YARS1: variants seen among roughly 807,000 people sequenced by gnomAD.
YARS1 encodes the protein tyrosine--tRNA ligase, cytoplasmic.
A neutral mutation model predicts 62.2 loss-of-function variants in YARS1; 36 were observed. The ratio of observed to expected loss-of-function variants is 0.58; its 90% CI spans 0.44 to 0.76. YARS1 has a LOEUF of 0.76. YARS1 is among the 30% of genes least tolerant of loss of function. YARS1 has a pLI of 0.00. For missense variants in YARS1, 524 were observed against 639.8 expected, an observed-to-expected ratio of 0.82 and a Z score of 1.95; for synonymous variants, 234 against 244.9, an observed-to-expected ratio of 0.96 and a Z score of 0.42.
chr1:32,782,758 G>A, intron 8 of YARS1: 1 of 600,270 alleles, frequency 1.7e-6, no homozygotes, highest in Non-Finnish European at 2.9e-6. Flanking sequence ...ACTTGAGGGT[G>A]TTTAGGAGCT....
At chr1:32,787,164 C>T (rs998383797) in intron 6 of YARS1, 89 bp from the exon 7 acceptor site, 1 of 1,503,446 alleles carries the variant, frequency 6.7e-7, no homozygotes, top group Non-Finnish European at 9.0e-7. Flanking sequence ...TTTTTCTTCT[C>T]TGTCACCCAG....
At chr1:32,781,795 G>A (rs962841271) in intron 9 of YARS1, 4 of 160,618 alleles carry the variant, frequency 2.5e-5, no homozygotes, top group African/African-American at 1.0e-4. Context: ...GGGTATAATA[G>A]GTCTAATCTA....
chr1:32,803,528 G>A (rs567220874), intron 4 of YARS1, among the ~76,000 whole-genome samples: 5 of 152,178 alleles, frequency 3.3e-5, no homozygotes, highest in Non-Finnish European at 7.3e-5. Flanking sequence ...CCTAACAAGA[G>A]AGTCAGCCTG....
chr1:32,785,134 C>A (rs1000193799), intron 8 of YARS1, among the ~76,000 whole-genome samples: 3 of 152,152 alleles, frequency 2.0e-5, no homozygotes, highest in African/African-American at 7.2e-5. Context: ...CTCATCAAAG[C>A]CATTAACAAA....
intron 12 of YARS1, among the ~76,000 whole-genome samples, chr1:32,777,820 T>C (rs1315332262): frequency 6.6e-6 from 1 of 152,120 alleles, no homozygotes; most frequent in African/African-American, 2.4e-5. Context: ...CAACAGCATT[T>C]AGTATGACTT....
chr1:32,806,986 C>T (rs1638479452), intron 3 of YARS1, among the ~76,000 whole-genome samples: 1 of 152,214 alleles, frequency 6.6e-6, no homozygotes, highest in African/African-American at 2.4e-5. Context: ...AGAAGCTAAT[C>T]TTGAAACAAA....
chr1:32,807,726 G>A (rs1305607193), intron 3 of YARS1, among the ~76,000 whole-genome samples: 1 of 152,070 alleles, frequency 6.6e-6, no homozygotes, highest in Non-Finnish European at 1.5e-5. Context: ...CCAAAGTGCT[G>A]GGAAAACAAG....
At chr1:32,806,397 G>A in intron 4 of YARS1, 85 bp downstream of exon 4, 2 of 1,603,376 alleles carry the variant, frequency 1.2e-6, no homozygotes, top group South Asian at 1.1e-5. Context: ...TCTGCGTAGT[G>A]CAGTAAAGCA....
intron 1 of YARS1, among the ~76,000 whole-genome samples, chr1:32,815,822 G>A (rs962376997): frequency 1.3e-5 from 2 of 152,110 alleles, no homozygotes; most frequent in Non-Finnish European, 2.9e-5. Context: ...ATAGTGTGAT[G>A]GTTGTGGCCG....
intron 5 of YARS1, among the ~76,000 whole-genome samples, chr1:32,797,325 C>A (rs373742300): frequency 3.3e-5 from 5 of 151,770 alleles, no homozygotes; most frequent in Non-Finnish European, 5.9e-5. Flanking sequence ...TGAGCCATGA[C>A]CGCATTACTG....
At chr1:32,803,108 G>C (rs1056945569) in intron 4 of YARS1, among the ~76,000 whole-genome samples, 1 of 150,512 alleles carries the variant, frequency 6.6e-6, no homozygotes, top group African/African-American at 2.5e-5. Context: ...TCAGCCTCCT[G>C]AGTAGCTGGG....
chr1:32,786,272 G>A (rs370345301), intron 8 of YARS1, 90 bp downstream of exon 8: 1 of 1,315,962 alleles, frequency 7.6e-7, no homozygotes, highest in African/African-American at 1.4e-5. Flanking sequence ...CTTTTACACA[G>A]AACAAGTTGT....
At position 32,780,002 on chromosome 1, in the gene YARS1, G is replaced by A. The variant is rs1046890929; in HGVS notation, c.1334+83C>T. On this transcript the variant is annotated intron_variant, in intron 11 of 12. Transcript: ENST00000373477. ...CGTGTTCTCAGAGCTTCCACCTGGT[G>A]TGTGGAAGGACATCATATGGGCTGA... is the stretch of plus-strand genomic sequence containing the variant. The A allele has an allele frequency of 1.2e-5, 18 of 1,505,402 alleles. No individual in the cohort carries two copies. In the African/African-American group the frequency reaches 2.3e-4, roughly 20 times the overall value. The allele number at this position is 1,505,402 out of a possible 1,614,324, so 93.3% of individuals were successfully genotyped here.
At chr1:32,796,819 C>T (rs1653597828) in intron 5 of YARS1, among the ~76,000 whole-genome samples, 1 of 148,938 alleles carries the variant, frequency 6.7e-6, no homozygotes, top group Non-Finnish European at 1.5e-5. Context: ...ATAAAAATTA[C>T]CTAGGCATGG....
chr1:32,800,405 T>G (rs1638249792), intron 4 of YARS1, among the ~76,000 whole-genome samples: 1 of 152,000 alleles, frequency 6.6e-6, no homozygotes, highest in Non-Finnish European at 1.5e-5. Flanking sequence ...TTTGGGAGAC[T>G]AAGGCAGGAG....
chr1:32,799,819 T>TA (rs1441344519), intron 4 of YARS1, among the ~76,000 whole-genome samples: 4 of 152,276 alleles, frequency 2.6e-5, no homozygotes, highest in South Asian at 2.1e-4. Flanking sequence ...TCTTTTTTTT[T>TA]AGAGATGGAG....
intron 3 of YARS1, among the ~76,000 whole-genome samples, chr1:32,810,145 GA>G (rs1389113700): frequency 6.7e-6 from 1 of 150,202 alleles, no homozygotes; most frequent in African/African-American, 2.4e-5. Context: ...ATTAGGACAC[GA>G]AATATCTATG....
Position 32,776,972 on chromosome 1 carries a change from A to T in YARS1, c.1477-881T>A, listed in dbSNP as rs191239734. 6.6e-6 allele frequency among the ~76,000 whole-genome samples: 1 copy of T among 152,204 alleles called. No homozygotes were observed. The highest frequency in any genetic ancestry group is 1.5e-5 in the Non-Finnish European group (1 of 68,014). On this transcript the variant is annotated intron_variant, in intron 12 of 12. Transcript: ENST00000373477. The surrounding 1 kb of genome is among the most constrained non-coding windows in gnomAD (Gnocchi z 4.0). ...ACAGAGTGAGACTCCGTCTCCAAAA[A>T]AAAAGAGCTTAGTTAGATTTTGATA...
intron 3 of YARS1, among the ~76,000 whole-genome samples, chr1:32,808,018 A>G (rs148557113): frequency 1.5e-3 from 234 of 151,844 alleles, no homozygotes; most frequent in African/African-American, 5.3e-3. Context: ...TGATCCTCCC[A>G]CCTCAGCCTC....
Sources: allele counts gnomAD v4.1 joint callset (sites outside exome capture counted in the v4.1 genomes callset), GRCh38; gene constraint gnomAD v4.1.1; non-coding constraint Gnocchi (gnomAD v3.1); transcripts MANE v1.5; gene names NCBI Gene and HGNC (gene_info 2026-07-23, HGNC 2026-07-21).